SLC30A8: variants seen among roughly 807,000 people sequenced by gnomAD.
The protein encoded by SLC30A8 is solute carrier family 30 member 8, also known as proton-coupled zinc antiporter SLC30A8.
SLC30A8 carries 27 observed loss-of-function variants against 36.9 expected under a neutral mutation model. The ratio of observed to expected loss-of-function variants is 0.73; its 90% CI spans 0.54 to 1.01. The LOEUF (loss-of-function observed/expected upper bound fraction) is 1.01. SLC30A8 is among the 50% of genes least tolerant of loss of function. The probability of loss-of-function intolerance (pLI) is 0.00; values close to 1 mark genes in which losing one functional copy is unlikely to be tolerated. For synonymous variants in SLC30A8, 164 were observed against 172.4 expected, an observed-to-expected ratio of 0.95 and a Z score of 0.38; for missense variants, 439 against 452.0, an observed-to-expected ratio of 0.97 and a Z score of 0.26.
intron 2 of SLC30A8, among the ~76,000 whole-genome samples, chr8:117,093,249 G>C (rs1044110533): frequency 6.6e-6 from 1 of 151,880 alleles, no homozygotes; most frequent in Non-Finnish European, 1.5e-5. Flanking sequence ...ACCATGGCTT[G>C]ACAGCTTCTG....
chr8:116,991,011 T>C lies in SLC30A8; in HGVS notation c.-266+39892T>C, dbSNP rs547605345. Reference sequence around the variant, plus strand: ...ATATAGACCTGAAGAATCTGGGCTTTGGAATAAGAACATTTATCTGGGGAG... The same window carrying C: ...ATATAGACCTGAAGAATCTGGGCTTCGGAATAAGAACATTTATCTGGGGAG... On this transcript the variant is annotated intron_variant, in intron 1 of 10. Coordinates refer to the SLC30A8 transcript ENST00000427715. 7.2e-5 allele frequency among the ~76,000 whole-genome samples: 11 copies of C among 152,306 alleles called. No homozygotes were observed. The East Asian group carries it at 2.1e-3, about 29-fold the overall frequency.
intron 1 of SLC30A8, among the ~76,000 whole-genome samples, chr8:116,961,038 AAAG>A (rs1213324998): frequency 1.3e-5 from 2 of 152,186 alleles, no homozygotes; most frequent in East Asian, 1.9e-4. Flanking sequence ...GGAAGGGAGA[AAAG>A]AAGGGAAGAA....
intron 1 of SLC30A8, among the ~76,000 whole-genome samples, chr8:116,978,800 A>G (rs1160501120): frequency 1.3e-5 from 2 of 152,206 alleles, no homozygotes; most frequent in South Asian, 4.1e-4. Context: ...ATCAGTCTCC[A>G]GCAGCCTTAA....
chr8:117,054,804 G>T (rs1817820360), intron 2 of SLC30A8, among the ~76,000 whole-genome samples: 1 of 152,098 alleles, frequency 6.6e-6, no homozygotes, highest in Non-Finnish European at 1.5e-5. Context: ...TCAATAATTT[G>T]ACAAAAACCA....
At chr8:117,030,234 A>G (rs1816997686) in intron 1 of SLC30A8, among the ~76,000 whole-genome samples, 1 of 151,040 alleles carries the variant, frequency 6.6e-6, no homozygotes, top group South Asian at 2.1e-4. Flanking sequence ...CATTGCTATT[A>G]TGGTGGGCAT....
intron 2 of SLC30A8, among the ~76,000 whole-genome samples, chr8:117,123,833 T>C (rs1192515343): frequency 2.0e-5 from 3 of 152,012 alleles, no homozygotes; most frequent in Non-Finnish European, 4.4e-5. Flanking sequence ...CATTTATAAA[T>C]GGCTGAAAGG....
At chr8:117,099,338 T>C (rs1003905582) in intron 2 of SLC30A8, among the ~76,000 whole-genome samples, 1 of 152,192 alleles carries the variant, frequency 6.6e-6, no homozygotes, top group African/African-American at 2.4e-5. Flanking sequence ...TCAGCTACAA[T>C]GTCACCTTCC....
intron 2 of SLC30A8, among the ~76,000 whole-genome samples, chr8:117,119,255 T>C (rs946525853): frequency 2.0e-5 from 3 of 151,926 alleles, no homozygotes; most frequent in African/African-American, 7.2e-5. Context: ...GCTTTGGCTG[T>C]CGTCTTCAAC....
intron 6 of SLC30A8, among the ~76,000 whole-genome samples, chr8:117,169,616 AGG>A (rs1823262370): frequency 2.6e-5 from 4 of 152,252 alleles, no homozygotes; most frequent in Admixed American, 2.6e-4. Flanking sequence ...AAAGAAAATA[AGG>A]TTAATTGGCT....
chr8:117,053,524 TGAGCCC>T (rs1215618907), intron 2 of SLC30A8, among the ~76,000 whole-genome samples: 7 of 152,180 alleles, frequency 4.6e-5, no homozygotes, highest in Non-Finnish European at 1.0e-4. Flanking sequence ...CCTGGATGTC[TGAGCCC>T]GAGCCCGAGC....
intron 1 of SLC30A8, among the ~76,000 whole-genome samples, chr8:116,991,502 A>G (rs891393031): frequency 1.3e-4 from 20 of 152,042 alleles, no homozygotes; most frequent in Middle Eastern, 3.2e-3. Flanking sequence ...ACGGGGTTTC[A>G]CCATGTTGGC....
At chr8:117,084,801 C>T (rs1818810158) in intron 2 of SLC30A8, among the ~76,000 whole-genome samples, 1 of 152,106 alleles carries the variant, frequency 6.6e-6, no homozygotes, top group Admixed American at 6.5e-5. Context: ...GACATCGTGC[C>T]TCAAGGAGTA....
intron 2 of SLC30A8, among the ~76,000 whole-genome samples, chr8:117,077,985 ACT>A (rs1412592383): frequency 6.6e-6 from 1 of 152,192 alleles, no homozygotes; most frequent in Non-Finnish European, 1.5e-5. Context: ...GATATTAAGG[ACT>A]CAGTGAAAAA....
chr8:117,122,384 A>G (rs958912712), intron 2 of SLC30A8, among the ~76,000 whole-genome samples: 5 of 152,002 alleles, frequency 3.3e-5, no homozygotes, highest in South Asian at 2.1e-4. Flanking sequence ...GGATGCTGTT[A>G]TAATTGTCCA....
At chr8:117,002,745 C>T (rs561709179) in intron 1 of SLC30A8, among the ~76,000 whole-genome samples, 1 of 152,224 alleles carries the variant, frequency 6.6e-6, no homozygotes, top group South Asian at 2.1e-4. Flanking sequence ...GCTGAAACTA[C>T]AGGCACTGGC....
At chr8:117,001,568 G>A (rs1172147794) in intron 1 of SLC30A8, among the ~76,000 whole-genome samples, 2 of 152,142 alleles carry the variant, frequency 1.3e-5, no homozygotes, top group Non-Finnish European at 2.9e-5. Context: ...TAAAATGATG[G>A]TAATTATTGG....
chr8:117,101,276 A>G (rs1264015387), intron 2 of SLC30A8, among the ~76,000 whole-genome samples: 3 of 152,150 alleles, frequency 2.0e-5, no homozygotes, highest in Non-Finnish European at 4.4e-5. Flanking sequence ...TTGCACACCA[A>G]AAATATGCTC....
In SLC30A8 at chr8:117,173,823, A is replaced by T. The variant is rs1381614458; in HGVS notation, c.*1142A>T. ...TTCATTGAGTGGGACAGCTAGACACATACATTGGCAGCTACAATAGTATCA... is the reference window on the plus strand; with the variant it reads ...TTCATTGAGTGGGACAGCTAGACACTTACATTGGCAGCTACAATAGTATCA... On this transcript the variant is annotated 3_prime_UTR_variant, in exon 8 of 8. Transcript: ENST00000456015. 1 of 152,168 alleles carries T rather than the reference A, an allele frequency of 6.6e-6. No homozygotes were observed. Among genetic ancestry groups the T allele is most frequent in the Non-Finnish European group, 1.5e-5 (1 of 68,022 alleles). The allele number at this position is 152,168 out of a possible 1,614,324, so 9.4% of individuals were successfully genotyped here.
At chr8:117,104,176 C>T (rs1819866335) in intron 2 of SLC30A8, among the ~76,000 whole-genome samples, 1 of 152,126 alleles carries the variant, frequency 6.6e-6, no homozygotes, top group African/African-American at 2.4e-5. Context: ...CATATTTTTG[C>T]AATGTGACTA....
Sources: allele counts gnomAD v4.1 joint callset (sites outside exome capture counted in the v4.1 genomes callset), GRCh38; gene constraint gnomAD v4.1.1; transcripts MANE v1.5; gene names NCBI Gene and HGNC (gene_info 2026-07-23, HGNC 2026-07-21).